TAF6L: variants seen among roughly 807,000 people sequenced by gnomAD.
TAF6L encodes TAF6-like RNA polymerase II p300/CBP-associated factor-associated factor 65 kDa subunit 6L.
A neutral mutation model predicts 57.3 loss-of-function variants in TAF6L; 34 were observed. The ratio of observed to expected loss-of-function variants is 0.59; its 90% CI spans 0.45 to 0.79. The LOEUF is 0.79. Among genes scored for constraint, TAF6L ranks in the 30% least tolerant of loss-of-function variants. The probability of loss-of-function intolerance (pLI) is 0.00; values close to 1 mark genes in which losing one functional copy is unlikely to be tolerated. For missense variants in TAF6L, 782 were observed against 853.2 expected, an observed-to-expected ratio of 0.92 and a Z score of 1.04; for synonymous variants, 417 against 376.3, an observed-to-expected ratio of 1.11 and a Z score of -1.25.
Position 62,787,291 on chromosome 11 carries a change from C to G in TAF6L, c.1864C>G (p.Leu622Val), listed in dbSNP as rs763518697. ...CTCGGACTACTCGCTGTACTTGCCG[C>G]TCTGAGTCAGTGGCCCCTTCGTTCC... The part of the protein sequence containing the change: ...ALSDYSLYLP[L>V] The change falls in exon 11 of 11, where the codon CTC (leucine) becomes GTC (valine). Residue 622 changes from leucine to valine, a missense_variant. Physicochemically the swap from Leu to Val is conservative, Grantham distance 32. This residue lies in a region of TAF6L where 483 missense variants were observed against 445.1 expected (regional missense o/e 1.09). Transcript: ENST00000294168. The G allele has an allele frequency of 2.6e-6, 4 of 1,540,300 alleles. No individual in the cohort carries two copies. The South Asian group carries it at 3.6e-5, about 14-fold the overall frequency.
intron 6 of TAF6L, 83 bp downstream of exon 6, chr11:62,779,046 G>C: frequency 3.3e-6 from 4 of 1,196,748 alleles, no homozygotes; most frequent in Non-Finnish European, 4.8e-6. Context: ...TTGAGACAGA[G>C]TTTCGCTCTT....
chr11:62,774,698 C>T (rs1223065902), intron 1 of TAF6L: 1 of 454,470 alleles, frequency 2.2e-6, no homozygotes. Flanking sequence ...CATTTAGGCA[C>T]TGCAGCCAAA....
At chr11:62,779,952 C>CTATATATATATATATA (rs1225374367) in intron 6 of TAF6L, among the ~76,000 whole-genome samples, 2 of 100,056 alleles carry the variant, frequency 2.0e-5, no homozygotes, top group African/African-American at 8.9e-5. Context: ...AGGCGTGAGC[C>CTATATATATATATATA]TATATATATA....
At chr11:62,785,329 T>C (rs999062797) in intron 9 of TAF6L, among the ~76,000 whole-genome samples, 1 of 151,640 alleles carries the variant, frequency 6.6e-6, no homozygotes, top group African/African-American at 2.4e-5. Context: ...GTAGCTGGGA[T>C]TACAGGCGCT....
intron 10 of TAF6L, 46 bp downstream of exon 10, chr11:62,786,434 C>G: frequency 6.2e-7 from 1 of 1,600,634 alleles, no homozygotes; most frequent in Non-Finnish European, 8.6e-7. Context: ...ATGAGCTTAG[C>G]AGCCAAGCAG....
At chr11:62,778,232 G>A in intron 4 of TAF6L, 53 bp from the exon 5 acceptor site, 1 of 1,613,712 alleles carries the variant, frequency 6.2e-7, no homozygotes, top group African/African-American at 1.3e-5. Flanking sequence ...GGGGTAGGCG[G>A]TACTCTAAGG....
At chr11:62,772,143 G>A (rs1263963797) in intron 1 of TAF6L, 10 of 456,248 alleles carry the variant, frequency 2.2e-5, no homozygotes, top group Admixed American at 7.1e-5. Flanking sequence ...CTGTGAAATA[G>A]ACGAAATACA....
intron 9 of TAF6L, among the ~76,000 whole-genome samples, chr11:62,783,928 G>C (rs1164833014): frequency 6.8e-6 from 1 of 146,222 alleles, no homozygotes; most frequent in East Asian, 2.0e-4. Context: ...CCTGGAATAA[G>C]TTCTATTTGT....
chr11:62,781,714 G>A (rs1565188890), intron 6 of TAF6L, 180 bp from the exon 7 acceptor site: 2 of 608,888 alleles, frequency 3.3e-6, no homozygotes, highest in Non-Finnish European at 5.9e-6. Flanking sequence ...GCCATATGCA[G>A]GTATATGTGA....
chr11:62,782,184 T>C lies in TAF6L; in HGVS notation c.678T>C (p.Asn226=), dbSNP rs140460114. 117 of 1,613,982 alleles carry C rather than the reference T, an allele frequency of 7.2e-5. No homozygotes were observed. Among genetic ancestry groups the C allele is most frequent in the Non-Finnish European group, 9.3e-5 (110 of 1,180,016 alleles). The change falls in exon 8 of 11, where the codon AAT becomes AAC. Residue 226 remains asparagine (N), a synonymous_variant. Transcript: ENST00000294168. The part of the protein sequence containing the change: ...LLQVARSLFR[N]PHLCLGPYVR... ...AGGTGGCACGGAGCCTATTTCGTAA[T>C]CCGCACCTGTGCTTGGGGCCCTATG...
At chr11:62,776,146 T>TG (rs1388310837) in intron 2 of TAF6L, among the ~76,000 whole-genome samples, 1 of 152,156 alleles carries the variant, frequency 6.6e-6, no homozygotes, top group African/African-American at 2.4e-5. Context: ...ACAACAGCCC[T>TG]GTTGGGCAGG....
At chr11:62,786,018 G>T (rs202203837) in intron 9 of TAF6L, 1 of 424,614 alleles carries the variant, frequency 2.4e-6, no homozygotes, top group Non-Finnish European at 4.3e-6. Context: ...TAGCACACAG[G>T]GCAGTGATAT....
In TAF6L at chr11:62,786,966, C is replaced by T; in HGVS notation, c.1539C>T (p.Ala513=). ...RGSGGGGPAS[A]SGPAASESRP... Reference sequence around the variant, plus strand: ...GCGGCGGAGGCGGCCCCGCGTCGGCCTCTGGGCCCGCCGCCTCTGAGAGCA... The same window carrying T: ...GCGGCGGAGGCGGCCCCGCGTCGGCTTCTGGGCCCGCCGCCTCTGAGAGCA... The change falls in exon 11 of 11, where the codon GCC becomes GCT. Residue 513 remains alanine (A), a synonymous_variant. Coordinates refer to ENST00000294168, the MANE Select transcript of TAF6L (RefSeq NM_006473.4). 3.5e-6 allele frequency: 5 copies of T among 1,447,872 alleles called. No homozygotes were observed. In the Middle Eastern group the frequency reaches 7.3e-4, roughly 210 times the overall value. 89.7% of individuals were successfully genotyped at this position (1,447,872 alleles called of 1,614,324 possible).
intron 1 of TAF6L, among the ~76,000 whole-genome samples, chr11:62,772,378 C>T (rs1177862869): frequency 2.0e-5 from 3 of 152,000 alleles, no homozygotes; most frequent in Non-Finnish European, 2.9e-5. Flanking sequence ...AAAAAATTAG[C>T]TGGGCATGGC....
chr11:62,783,248 T>C (rs910036956), intron 9 of TAF6L, among the ~76,000 whole-genome samples: 3 of 152,110 alleles, frequency 2.0e-5, no homozygotes, highest in Non-Finnish European at 4.4e-5. Context: ...TTTGGGAGGC[T>C]GAGGTGGGCG....
intron 1 of TAF6L, among the ~76,000 whole-genome samples, chr11:62,775,076 A>G (rs956870621): frequency 1.8e-4 from 27 of 151,770 alleles, no homozygotes; most frequent in African/African-American, 2.7e-4. Context: ...AAAAAAAAAA[A>G]AAAAGAAAAG....
intron 1 of TAF6L, chr11:62,771,834 C>T (rs2084150170): frequency 3.4e-6 from 1 of 296,818 alleles, no homozygotes; most frequent in South Asian, 2.8e-5. Flanking sequence ...AGGGAAACTC[C>T]CTCCGTGCCT....
At position 62,779,102 on chromosome 11, in the gene TAF6L, C is replaced by G. The variant is rs145037175; in HGVS notation, c.531+139C>G. 1,951 of 658,422 alleles carry G rather than the reference C, an allele frequency of 3.0e-3. 34 individuals carry two copies. In the African/African-American group the frequency reaches 0.032, roughly 11 times the overall value. The allele number at this position is 658,422 out of a possible 1,614,324, so 40.8% of individuals were successfully genotyped here. On this transcript the variant is annotated intron_variant, in intron 6 of 10. Coordinates refer to ENST00000294168, the MANE Select transcript of TAF6L (RefSeq NM_006473.4). Reference sequence around the variant, plus strand: ...ATGGCATGATCTCAGCTCACCGCACCCTCTGCCTCCCAGGTTCAAGTGATT... The same window carrying G: ...ATGGCATGATCTCAGCTCACCGCACGCTCTGCCTCCCAGGTTCAAGTGATT...
intron 1 of TAF6L, 158 bp downstream of exon 1, chr11:62,771,648 C>G (rs1430575861): frequency 5.7e-6 from 1 of 176,802 alleles, no homozygotes; most frequent in Non-Finnish European, 1.2e-5. Flanking sequence ...CACCCCCTCC[C>G]CGATCTGGGC....
Sources: gnomAD v4.1 joint callset for allele counts (sites outside exome capture counted in the v4.1 genomes callset) on GRCh38, gnomAD v4.1.1 for gene constraint, gnomAD v4.1.1 regional missense constraint, MANE v1.5 for transcripts, NCBI Gene and HGNC (gene_info 2026-07-23, HGNC 2026-07-21) for gene names.